Variants in MCU observed in about 807,000 individuals in gnomAD.
MCU encodes mitochondrial calcium uniporter.
Under a neutral mutation model 45.2 loss-of-function variants are expected in MCU, and 12 were observed. The ratio of observed to expected loss-of-function variants is 0.27; its 90% CI spans 0.17 to 0.43. The LOEUF (loss-of-function observed/expected upper bound fraction) is 0.43, where lower values mean the gene tolerates loss of function less well. Among genes scored for constraint, MCU ranks in the 20% least tolerant of loss-of-function variants. The pLI, the probability that MCU is intolerant of heterozygous loss-of-function variation, is 1.00. For missense variants in MCU, 324 were observed against 436.7 expected, an observed-to-expected ratio of 0.74 and a Z score of 2.30; for synonymous variants, 160 against 165.1, an observed-to-expected ratio of 0.97 and a Z score of 0.24.
intron 1 of MCU, among the ~76,000 whole-genome samples, chr10:72,743,738 A>AT (rs1392803271): frequency 6.6e-6 from 1 of 152,212 alleles, no homozygotes; most frequent in African/African-American, 2.4e-5. Flanking sequence ...GGATGCTTTC[A>AT]TTGGAAGAGT....
intron 1 of MCU, among the ~76,000 whole-genome samples, chr10:72,701,688 G>C (rs549305715): frequency 1.3e-5 from 2 of 151,854 alleles, no homozygotes; most frequent in Non-Finnish European, 2.9e-5. Flanking sequence ...CACCACGCCC[G>C]GCTAATTTTT....
chr10:72,753,181 T>C (rs751882763), intron 1 of MCU, among the ~76,000 whole-genome samples: 2 of 152,172 alleles, frequency 1.3e-5, no homozygotes, highest in Non-Finnish European at 2.9e-5. Context: ...AATGAAATAA[T>C]TTTTTTCTCA....
chr10:72,867,080 G>A (rs991945198), intron 4 of MCU, among the ~76,000 whole-genome samples: 1 of 149,416 alleles, frequency 6.7e-6, no homozygotes, highest in African/African-American at 2.5e-5. Flanking sequence ...GCTAGGTGTT[G>A]TATCCCATTT....
chr10:72,790,681 A>G (rs1167243123), intron 1 of MCU, among the ~76,000 whole-genome samples: 2 of 152,172 alleles, frequency 1.3e-5, no homozygotes, highest in African/African-American at 4.8e-5. Context: ...CCTGGTACTT[A>G]TTTATTTATA....
intron 1 of MCU, among the ~76,000 whole-genome samples, chr10:72,761,834 A>T (rs1405676166): frequency 6.6e-6 from 1 of 151,956 alleles, no homozygotes; most frequent in Non-Finnish European, 1.5e-5. Context: ...TAGTTTTTTT[A>T]TTCCACACTC....
chr10:72,804,168 C>A (rs1844393833), intron 1 of MCU, among the ~76,000 whole-genome samples: 1 of 148,842 alleles, frequency 6.7e-6, no homozygotes, highest in Non-Finnish European at 1.5e-5. Context: ...CTCACTGCAA[C>A]CTCCACCTCC....
chr10:72,877,265 G>C (rs1845631783), intron 6 of MCU, among the ~76,000 whole-genome samples: 1 of 152,148 alleles, frequency 6.6e-6, no homozygotes, highest in South Asian at 2.1e-4. Context: ...TAGTTGCTCA[G>C]TAAATGATTG....
In MCU at chr10:72,881,983, C is replaced by T. The variant is rs536201092; in HGVS notation, c.862-2283C>T. 2.5e-4 allele frequency among the ~76,000 whole-genome samples: 38 copies of T among 152,304 alleles called. 1 individual carries two copies. The highest frequency in any genetic ancestry group is 8.4e-4 in the African/African-American group (35 of 41,570). ...AGTCAGGGACCCCAAACGGAGGGAC[C>T]GGCTGAAGCCATGGCAGAAGAACGT... On this transcript the variant is annotated intron_variant, in intron 6 of 7. Coordinates refer to ENST00000373053, the MANE Select transcript of MCU (RefSeq NM_138357.3).
At chr10:72,778,110 A>G (rs1843923952) in intron 1 of MCU, among the ~76,000 whole-genome samples, 1 of 152,208 alleles carries the variant, frequency 6.6e-6, no homozygotes, top group South Asian at 2.1e-4. Context: ...ATGGAGAACA[A>G]TATGGAGTTT....
chr10:72,742,346 T>G (rs1485987317), intron 1 of MCU, among the ~76,000 whole-genome samples: 5 of 152,214 alleles, frequency 3.3e-5, no homozygotes, highest in Non-Finnish European at 2.9e-5. Flanking sequence ...ATCCCCATTG[T>G]GAAGGAACAC....
intron 1 of MCU, among the ~76,000 whole-genome samples, chr10:72,732,345 T>G (rs1183747269): frequency 1.3e-5 from 2 of 152,246 alleles, no homozygotes; most frequent in East Asian, 3.8e-4. Flanking sequence ...TTCATTTAGT[T>G]AATCTATTTG....
intron 1 of MCU, among the ~76,000 whole-genome samples, chr10:72,810,461 C>CTTTTTT (rs751918414): frequency 8.2e-5 from 6 of 73,438 alleles, no homozygotes; most frequent in African/African-American, 2.3e-4. Flanking sequence ...ATTATGTTGC[C>CTTTTTT]TTTTTTTTTT....
chr10:72,752,060 C>T (rs1393041730), intron 1 of MCU, among the ~76,000 whole-genome samples: 2 of 151,552 alleles, frequency 1.3e-5, no homozygotes, highest in East Asian at 2.0e-4. Flanking sequence ...AGGATGGTCT[C>T]GATCTCCTGA....
At chr10:72,877,456 TA>T (rs775536265) in intron 6 of MCU, among the ~76,000 whole-genome samples, 1 of 152,194 alleles carries the variant, frequency 6.6e-6, no homozygotes, top group Non-Finnish European at 1.5e-5. Context: ...TTATTCATTT[TA>T]AAAAGGCTTC....
chr10:72,793,701 G>A (rs1276870828), intron 1 of MCU, among the ~76,000 whole-genome samples: 3 of 152,054 alleles, frequency 2.0e-5, no homozygotes, highest in African/African-American at 7.2e-5. Flanking sequence ...GGGGCTGTAG[G>A]CTCGAATATA....
Position 72,830,837 on chromosome 10 carries a change from C to A in MCU, c.151-3522C>A, listed in dbSNP as rs1016206351. On this transcript the variant is annotated intron_variant, in intron 1 of 7. Transcript: ENST00000373053. The stretch of plus-strand genomic sequence containing the variant: ...AGGAATGACACCTGTGGTCGCAGAT[C>A]CCCAACAAAGCCAGCCAAACACAGT... 2.0e-5 allele frequency among the ~76,000 whole-genome samples: 3 copies of A among 152,266 alleles called. No homozygotes were observed. In the East Asian group the frequency reaches 5.8e-4, roughly 29 times the overall value.
chr10:72,739,800 C>T (rs1843300776), intron 1 of MCU, among the ~76,000 whole-genome samples: 1 of 151,602 alleles, frequency 6.6e-6, no homozygotes. Flanking sequence ...CCTTAGCCTC[C>T]CGAGTAGCTG....
At chr10:72,874,645 G>A (rs186188919) in intron 6 of MCU, among the ~76,000 whole-genome samples, 2 of 152,294 alleles carry the variant, frequency 1.3e-5, no homozygotes, top group South Asian at 2.1e-4. Flanking sequence ...TGCTTGCCCA[G>A]AATTTTTAGC....
chr10:72,858,446 G>C (rs775038024), intron 2 of MCU, among the ~76,000 whole-genome samples: 1 of 152,196 alleles, frequency 6.6e-6, no homozygotes, highest in Non-Finnish European at 1.5e-5. Context: ...AAAAGGGGCA[G>C]TGTTGGTCAG....
Sources: gnomAD v4.1 joint callset for allele counts (sites outside exome capture counted in the v4.1 genomes callset) on GRCh38, gnomAD v4.1.1 for gene constraint, MANE v1.5 for transcripts, NCBI Gene and HGNC (gene_info 2026-07-23, HGNC 2026-07-21) for gene names.